Variants in ERGIC1 observed in about 807,000 individuals in gnomAD.
The protein encoded by ERGIC1 is endoplasmic reticulum-Golgi intermediate compartment protein 1.
In ERGIC1, 19 loss-of-function variants were observed where a neutral mutation model predicts 38.3. The observed-to-expected ratio is 0.50, with a 90% CI of 0.35 to 0.73. The LOEUF (loss-of-function observed/expected upper bound fraction) is 0.73. Ranked by LOEUF, ERGIC1 falls within the 30% of genes least tolerant of loss-of-function variation. ERGIC1 has a pLI of 0.01. For synonymous variants in ERGIC1, 124 were observed against 157.6 expected, an observed-to-expected ratio of 0.79 and a Z score of 1.60; for missense variants, 294 against 389.2, an observed-to-expected ratio of 0.76 and a Z score of 2.06.
chr5:172,947,833 G>A (rs1001561583), intron 9 of ERGIC1, among the ~76,000 whole-genome samples: 2 of 151,750 alleles, frequency 1.3e-5, no homozygotes, highest in African/African-American at 4.8e-5. Context: ...TGAGTCATAA[G>A]CATTTGGGTT....
At chr5:172,875,464 C>T (rs906791298) in intron 1 of ERGIC1, among the ~76,000 whole-genome samples, 1 of 152,168 alleles carries the variant, frequency 6.6e-6, no homozygotes, top group Admixed American at 6.5e-5. Context: ...CCCTACCCCC[C>T]CAGCAGGCTT....
At chr5:172,847,910 T>C (rs1399473015) in intron 1 of ERGIC1, among the ~76,000 whole-genome samples, 1 of 152,248 alleles carries the variant, frequency 6.6e-6, no homozygotes, top group African/African-American at 2.4e-5. Context: ...TCTTTGGAAA[T>C]GGAAAAGCAA....
At chr5:172,897,144 T>C in intron 3 of ERGIC1, 70 bp downstream of exon 3, 1 of 1,456,604 alleles carries the variant, frequency 6.9e-7, no homozygotes, top group Non-Finnish European at 9.6e-7. Context: ...GGGAGGGGTC[T>C]TTGGCCAGGT....
chr5:172,931,857 CTTTTT>C (rs375589121), intron 7 of ERGIC1, among the ~76,000 whole-genome samples: 5,359 of 123,042 alleles, frequency 0.044, 130 homozygotes, highest in African/African-American at 0.082. Context: ...AGCACCCACA[CTTTTT>C]TTTTTTTTTT....
intron 1 of ERGIC1, among the ~76,000 whole-genome samples, chr5:172,879,569 C>T (rs1024412432): frequency 2.0e-5 from 3 of 152,300 alleles, no homozygotes; most frequent in Admixed American, 2.0e-4. Context: ...GGTTCCTTTG[C>T]TTTGTTTTTT....
intron 6 of ERGIC1, among the ~76,000 whole-genome samples, chr5:172,925,912 C>A (rs1763640492): frequency 6.6e-6 from 1 of 152,180 alleles, no homozygotes; most frequent in Admixed American, 6.5e-5. Context: ...TTCAGCCCTA[C>A]TCTACAGCAG....
intron 3 of ERGIC1, among the ~76,000 whole-genome samples, chr5:172,904,886 G>C (rs1251437865): frequency 6.6e-6 from 1 of 152,214 alleles, no homozygotes; most frequent in African/African-American, 2.4e-5. Flanking sequence ...GGAGCAGCCA[G>C]TTCTGGCCTT....
chr5:172,948,239 C>T (rs1352776456), intron 9 of ERGIC1, among the ~76,000 whole-genome samples: 1 of 152,222 alleles, frequency 6.6e-6, no homozygotes, highest in Non-Finnish European at 1.5e-5. Flanking sequence ...CCATACAGAC[C>T]TGGTCTGTCC....
chr5:172,911,049 C>T (rs1387946579), intron 4 of ERGIC1, among the ~76,000 whole-genome samples: 3 of 152,270 alleles, frequency 2.0e-5, no homozygotes, highest in Admixed American at 1.3e-4. Flanking sequence ...GGCGCCCTCT[C>T]CTGGACTGGG....
chr5:172,852,154 A>AT (rs1221952349), intron 1 of ERGIC1, among the ~76,000 whole-genome samples: 3 of 152,050 alleles, frequency 2.0e-5, no homozygotes, highest in Non-Finnish European at 2.9e-5. Flanking sequence ...TCAGTGTTGC[A>AT]TTTTTTGTAC....
intron 1 of ERGIC1, among the ~76,000 whole-genome samples, chr5:172,873,174 T>A (rs1213338733): frequency 6.6e-6 from 1 of 152,242 alleles, no homozygotes; most frequent in African/African-American, 2.4e-5. Flanking sequence ...TCTGCCCCTC[T>A]AAGAATACAT....
chr5:172,937,829 CACT>C (rs1349740047), intron 9 of ERGIC1: 3 of 150,816 alleles, frequency 2.0e-5, no homozygotes, highest in African/African-American at 7.3e-5. Flanking sequence ...CATGACAAAA[CACT>C]ACTAAAAATA....
chr5:172,881,973 T>TA (rs1762296495), intron 1 of ERGIC1, among the ~76,000 whole-genome samples: 1 of 152,178 alleles, frequency 6.6e-6, no homozygotes, highest in African/African-American at 2.4e-5. Context: ...AGGGACTGAC[T>TA]AATGTCAGCC....
chr5:172,911,976 T>C (rs1045468437), intron 4 of ERGIC1, among the ~76,000 whole-genome samples: 12 of 152,060 alleles, frequency 7.9e-5, no homozygotes, highest in Admixed American at 7.2e-4. Context: ...TGCGTGTCTG[T>C]GAACATATAT....
rs1207721423 is a variant in ERGIC1 at position 172,878,746 on chromosome 5, C to T, written c.21-9953C>T. Among the ~76,000 whole-genome samples the T allele has an allele frequency of 7.2e-5, 11 of 152,132 alleles. No individual in the cohort carries two copies. The South Asian group carries it at 8.3e-4, about 11-fold the overall frequency. On this transcript the variant is annotated intron_variant, in intron 1 of 9. Transcript: ENST00000393784. ...TGAGAATGATTCTAGGGCTCCCTCC[C>T]GCCTGCCTCCACTTGGCTCTGGTGT...
intron 3 of ERGIC1, among the ~76,000 whole-genome samples, chr5:172,900,786 G>A (rs1351078204): frequency 6.6e-6 from 1 of 152,122 alleles, no homozygotes; most frequent in Non-Finnish European, 1.5e-5. Flanking sequence ...CTAAGTCAGC[G>A]GCTGGAGAGA....
At chr5:172,863,401 C>G (rs1475166415) in intron 1 of ERGIC1, among the ~76,000 whole-genome samples, 1 of 152,044 alleles carries the variant, frequency 6.6e-6, no homozygotes, top group African/African-American at 2.4e-5. Context: ...TATTTGCTGC[C>G]CAATCTGGGT....
In ERGIC1 at chr5:172,852,539, G is replaced by A. The variant is rs565517325; in HGVS notation, c.20+18106G>A. ...TGATCTCCAGAGCCCCTCATAGGCC[G>A]TCAGTGACATGAGAGCAGAGACCGG... On this transcript the variant is annotated intron_variant, in intron 1 of 9. Coordinates refer to ENST00000393784, the MANE Select transcript of ERGIC1 (RefSeq NM_001031711.3). 5.9e-5 allele frequency among the ~76,000 whole-genome samples: 9 copies of A among 152,336 alleles called. No homozygotes were observed. In the East Asian group the frequency reaches 1.3e-3, roughly 23 times the overall value.
At chr5:172,870,069 T>C (rs1157951766) in intron 1 of ERGIC1, among the ~76,000 whole-genome samples, 2 of 152,204 alleles carry the variant, frequency 1.3e-5, no homozygotes, top group Admixed American at 1.3e-4. Flanking sequence ...CTCTCTCTCT[T>C]CTTGCTGTAT....
Sources: allele counts gnomAD v4.1 joint callset (sites outside exome capture counted in the v4.1 genomes callset), GRCh38; gene constraint gnomAD v4.1.1; transcripts MANE v1.5; gene names NCBI Gene and HGNC (gene_info 2026-07-23, HGNC 2026-07-21).